The following DOCK1 variants were observed in gnomAD, a reference collection of about 807,000 sequenced individuals.
DOCK1 encodes the protein dedicator of cytokinesis 1, also known as dedicator of cytokinesis protein 1.
DOCK1 carries 138 observed loss-of-function variants against 262.7 expected under a neutral mutation model. That is an observed-to-expected ratio of 0.53 (90% CI 0.46 to 0.61). The LOEUF (loss-of-function observed/expected upper bound fraction) is 0.61. DOCK1 is among the 20% of genes least tolerant of loss of function. The probability of loss-of-function intolerance (pLI) is 0.00; values close to 1 mark genes in which losing one functional copy is unlikely to be tolerated. For synonymous variants in DOCK1, 866 were observed against 867.4 expected (o/e 1.00, Z 0.03); for missense variants, 1,908 against 2,370.7 (o/e 0.80, Z 4.05).
At chr10:127,174,263 A>G (rs909001554) in intron 27 of DOCK1, among the ~76,000 whole-genome samples, 12 of 152,206 alleles carry the variant, frequency 7.9e-5, no homozygotes, top group Non-Finnish European at 2.9e-5. Flanking sequence ...TGTTACCTCC[A>G]GTACACAGGC....
intron 6 of DOCK1, 36 bp downstream of exon 6, chr10:126,990,639 T>C (rs766647410): frequency 6.2e-7 from 1 of 1,605,730 alleles, no homozygotes; most frequent in Non-Finnish European, 8.5e-7. Context: ...ACGCTTAAAT[T>C]ATCCAATGTA....
At chr10:127,385,748 G>A (rs1352402884) in intron 38 of DOCK1, among the ~76,000 whole-genome samples, 4 of 152,168 alleles carry the variant, frequency 2.6e-5, no homozygotes, top group Non-Finnish European at 4.4e-5. Flanking sequence ...AATCTGCCCC[G>A]TGCCTTTTCC....
Position 127,153,969 on chromosome 10 carries a change from C to T in DOCK1, c.2847+26205C>T, listed in dbSNP as rs370488404. On this transcript the variant is annotated intron_variant, in intron 27 of 51. Transcript: ENST00000623213. ...AGCATTACAAGCGGTGGCTGGGGGT[C>T]ACTGGCTTTATAGAGCAGATGCCTC... The T allele has an allele frequency of 2.5e-4, 362 of 1,432,852 alleles. 1 individual carries two copies. Among genetic ancestry groups the T allele is most frequent in the Non-Finnish European group, 3.2e-4 (326 of 1,015,354 alleles). 88.8% of individuals were successfully genotyped at this position (1,432,852 alleles called of 1,614,324 possible).
chr10:127,338,163 T>C (rs1379528724), intron 29 of DOCK1, among the ~76,000 whole-genome samples: 2 of 152,220 alleles, frequency 1.3e-5, no homozygotes, highest in Admixed American at 6.5e-5. Context: ...ATCTGTGACC[T>C]AATACTAATT....
chr10:126,966,235 A>G (rs1001226058), intron 1 of DOCK1, among the ~76,000 whole-genome samples: 10 of 152,328 alleles, frequency 6.6e-5, no homozygotes, highest in Admixed American at 3.9e-4. Flanking sequence ...TTATGTATAT[A>G]TACCACATTT....
intron 1 of DOCK1, among the ~76,000 whole-genome samples, chr10:126,951,391 GGTA>G (rs1389012431): frequency 2.6e-5 from 4 of 151,596 alleles, no homozygotes; most frequent in South Asian, 2.1e-4. Flanking sequence ...TATTGGTGAT[GGTA>G]GTAGTATTGC....
At chr10:127,009,810 A>G (rs1448294663) in intron 11 of DOCK1, among the ~76,000 whole-genome samples, 1 of 152,020 alleles carries the variant, frequency 6.6e-6, no homozygotes, top group African/African-American at 2.4e-5. Context: ...GGGCCCGGAG[A>G]TGTGAGGTTG....
chr10:127,289,349 C>T (rs1307661009), intron 29 of DOCK1, among the ~76,000 whole-genome samples: 1 of 152,100 alleles, frequency 6.6e-6, no homozygotes, highest in African/African-American at 2.4e-5. Flanking sequence ...TATTTTCTTG[C>T]ACCTGTCCTC....
intron 29 of DOCK1, among the ~76,000 whole-genome samples, chr10:127,311,928 G>T (rs1031245692): frequency 6.6e-6 from 1 of 151,852 alleles, no homozygotes; most frequent in African/African-American, 2.4e-5. Flanking sequence ...GCAGTGGGGC[G>T]ATCTCATCTC....
At chr10:127,411,260 C>T (rs1461903754) in intron 43 of DOCK1, among the ~76,000 whole-genome samples, 1 of 152,054 alleles carries the variant, frequency 6.6e-6, no homozygotes, top group Non-Finnish European at 1.5e-5. Context: ...ATGGACCCAC[C>T]GAGTGCTGAG....
intron 1 of DOCK1, among the ~76,000 whole-genome samples, chr10:126,925,721 A>AGTGTGT (rs1564986606): frequency 1.6e-5 from 2 of 122,252 alleles, no homozygotes; most frequent in African/African-American, 3.3e-5. Flanking sequence ...CACATTGCAG[A>AGTGTGT]GTCTGTGTGT....
At chr10:127,451,206 C>A in intron 51 of DOCK1, 126 bp from the exon 52 acceptor site, 1 of 1,068,972 alleles carries the variant, frequency 9.4e-7, no homozygotes, top group South Asian at 1.4e-5. Flanking sequence ...CAGGATGGAG[C>A]CCAACTCATG....
chr10:127,431,339 A>G (rs751743815), intron 47 of DOCK1, among the ~76,000 whole-genome samples: 2 of 152,190 alleles, frequency 1.3e-5, no homozygotes, highest in East Asian at 1.9e-4. Context: ...CAGTAAACCC[A>G]TGGTCGCACC....
At chr10:127,382,551 G>A (rs1162130361) in intron 37 of DOCK1, among the ~76,000 whole-genome samples, 1 of 152,152 alleles carries the variant, frequency 6.6e-6, no homozygotes, top group Non-Finnish European at 1.5e-5. Flanking sequence ...TGCCACGTGG[G>A]CTCTCCCAAG....
At chr10:127,429,948 C>G (rs952675266) in intron 47 of DOCK1, among the ~76,000 whole-genome samples, 1 of 152,240 alleles carries the variant, frequency 6.6e-6, no homozygotes, top group South Asian at 2.1e-4. Flanking sequence ...CTCTTCAAGT[C>G]CGATTAGGAG....
chr10:127,109,902 A>ATGTT (rs549237738), intron 24 of DOCK1, among the ~76,000 whole-genome samples: 218 of 152,116 alleles, frequency 1.4e-3, no homozygotes, highest in African/African-American at 4.9e-3. Context: ...GATGGTGACT[A>ATGTT]TGTTTGACAT....
chr10:126,929,904 G>A (rs891740106), intron 1 of DOCK1, among the ~76,000 whole-genome samples: 12 of 152,294 alleles, frequency 7.9e-5, no homozygotes, highest in Admixed American at 3.3e-4. Context: ...CCGCCACTGC[G>A]TAGTCCAAGA....
chr10:127,345,438 G>A (rs963689906), intron 31 of DOCK1, among the ~76,000 whole-genome samples: 6 of 152,190 alleles, frequency 3.9e-5, no homozygotes, highest in South Asian at 4.1e-4. Flanking sequence ...CAGGGCCCAC[G>A]ATTTTCACCT....
intron 27 of DOCK1, among the ~76,000 whole-genome samples, chr10:127,158,848 G>C (rs765696309): frequency 6.6e-6 from 1 of 152,074 alleles, no homozygotes; most frequent in Admixed American, 6.6e-5. Flanking sequence ...GGAAAACATC[G>C]CATTCAGCAC....
Sources: gnomAD v4.1 joint callset for allele counts (sites outside exome capture counted in the v4.1 genomes callset) on GRCh38, gnomAD v4.1.1 for gene constraint, MANE v1.5 for transcripts, NCBI Gene and HGNC (gene_info 2026-07-23, HGNC 2026-07-21) for gene names.